MED27: variants seen among roughly 807,000 people sequenced by gnomAD.
MED27 encodes mediator of RNA polymerase II transcription subunit 27.
In MED27, 30 loss-of-function variants were observed where a neutral mutation model predicts 38.2. The ratio of observed to expected loss-of-function variants is 0.79; its 90% CI spans 0.59 to 1.07. MED27 has a LOEUF of 1.07. Among genes scored for constraint, MED27 ranks in the 50% least tolerant of loss-of-function variants. The pLI, the probability that MED27 is intolerant of heterozygous loss-of-function variation, is 0.00. For synonymous variants in MED27, 122 were observed against 153.5 expected (o/e 0.79, Z 1.52); for missense variants, 289 against 397.5 (o/e 0.73, Z 2.32).
chr9:131,988,972 G>A (rs1293083428), intron 3 of MED27, among the ~76,000 whole-genome samples: 3 of 152,172 alleles, frequency 2.0e-5, no homozygotes, highest in African/African-American at 4.8e-5. Flanking sequence ...TTAACCAAGT[G>A]CAGAACATGT....
At chr9:131,963,095 A>G (rs539834189) in intron 3 of MED27, among the ~76,000 whole-genome samples, 1 of 152,342 alleles carries the variant, frequency 6.6e-6, no homozygotes, top group Admixed American at 6.5e-5. Context: ...AAAATATTAA[A>G]GCATAATGTT....
At chr9:131,920,152 G>A (rs1830363048) in intron 4 of MED27, among the ~76,000 whole-genome samples, 1 of 152,110 alleles carries the variant, frequency 6.6e-6, no homozygotes, top group Non-Finnish European at 1.5e-5. Flanking sequence ...CAATACTTCG[G>A]TGTCTTAAGC....
intron 2 of MED27, among the ~76,000 whole-genome samples, chr9:132,072,643 G>C (rs1343854546): frequency 6.6e-6 from 1 of 152,058 alleles, no homozygotes; most frequent in Non-Finnish European, 1.5e-5. Context: ...CACTACGCTA[G>C]CAAGTTCATT....
chr9:131,873,041 C>G (rs902821390), intron 6 of MED27, among the ~76,000 whole-genome samples: 1 of 152,210 alleles, frequency 6.6e-6, no homozygotes. Context: ...TCAGAATGGA[C>G]TTTCATTGGG....
intron 4 of MED27, among the ~76,000 whole-genome samples, chr9:131,938,800 G>A (rs1300880134): frequency 6.6e-6 from 1 of 150,478 alleles, no homozygotes; most frequent in Non-Finnish European, 1.5e-5. Flanking sequence ...TGCAAGCTCC[G>A]CCTCCCAGGT....
intron 2 of MED27, among the ~76,000 whole-genome samples, chr9:132,072,161 CAT>C (rs974648987): frequency 9.2e-5 from 14 of 152,324 alleles, no homozygotes; most frequent in South Asian, 2.1e-4. Context: ...TGAGTACACA[CAT>C]GTGTACTATC....
intron 2 of MED27, among the ~76,000 whole-genome samples, chr9:132,030,394 TAGTA>T: frequency 6.6e-6 from 1 of 152,202 alleles, no homozygotes; most frequent in Non-Finnish European, 1.5e-5. Context: ...AGAGCCAAAA[TAGTA>T]AGAGCACTGC....
At chr9:131,887,252 C>T (rs1251331832) in intron 5 of MED27, among the ~76,000 whole-genome samples, 3 of 152,146 alleles carry the variant, frequency 2.0e-5, no homozygotes, top group Non-Finnish European at 4.4e-5. Flanking sequence ...CATGGCCTCT[C>T]CAGCCTCATT....
Position 131,886,035 on chromosome 9 carries a change from T to C in MED27, c.682-1936A>G, listed in dbSNP as rs183775273. 1.6e-4 allele frequency among the ~76,000 whole-genome samples: 24 copies of C among 152,308 alleles called. No individual in the cohort carries two copies. The East Asian group carries it at 4.2e-3, about 27-fold the overall frequency. ...AACACCAGAAAGCATTGGGAAGCCA[T>C]TGGACAGGAAAAGTCCTTTAAGAAG... On this transcript the variant is annotated intron_variant, in intron 5 of 7. Coordinates refer to ENST00000292035, the MANE Select transcript of MED27 (RefSeq NM_004269.4).
At chr9:131,864,297 T>C (rs898347361) in intron 6 of MED27, among the ~76,000 whole-genome samples, 1 of 151,746 alleles carries the variant, frequency 6.6e-6, no homozygotes, top group Non-Finnish European at 1.5e-5. Flanking sequence ...GCCTGGACAA[T>C]AGAGCAAGAC....
intron 2 of MED27, among the ~76,000 whole-genome samples, chr9:132,053,145 C>T (rs564570266): frequency 6.6e-6 from 1 of 151,692 alleles, no homozygotes; most frequent in East Asian, 1.9e-4. Context: ...CCCAGCTACT[C>T]GGGAGGCTGA....
chr9:131,994,773 C>A lies in MED27; in HGVS notation c.479+19564G>T, dbSNP rs77765051. On this transcript the variant is annotated intron_variant, in intron 3 of 7. Coordinates refer to ENST00000292035, the MANE Select transcript of MED27 (RefSeq NM_004269.4). The stretch of plus-strand genomic sequence containing the variant: ...TTCTGACTTAGGGCAAGTTCTCTTG[C>A]CCTTTGTTATAATATATAACACCCA... Among the ~76,000 whole-genome samples, 1,440 of 152,256 alleles carry A rather than the reference C, an allele frequency of 9.5e-3. 5 individuals are homozygous for A. Among genetic ancestry groups the A allele is most frequent in the Middle Eastern group, 0.034 (10 of 294 alleles).
chr9:131,968,932 C>A (rs974626960), intron 3 of MED27, among the ~76,000 whole-genome samples: 1 of 152,106 alleles, frequency 6.6e-6, no homozygotes, highest in African/African-American at 2.4e-5. Context: ...ACTGCGCATG[C>A]GAGGGATCTA....
chr9:131,929,234 G>A (rs1459075036), intron 4 of MED27, among the ~76,000 whole-genome samples: 2 of 152,330 alleles, frequency 1.3e-5, no homozygotes, highest in South Asian at 2.1e-4. Flanking sequence ...GTGGTATGCC[G>A]TGGGCCTTGG....
intron 3 of MED27, among the ~76,000 whole-genome samples, chr9:131,993,949 G>C (rs1472521956): frequency 6.6e-6 from 1 of 152,164 alleles, no homozygotes; most frequent in Non-Finnish European, 1.5e-5. Flanking sequence ...GTCCTGTCCA[G>C]GGTTGGTTTC....
At chr9:131,866,839 C>T (rs894127284) in intron 6 of MED27, among the ~76,000 whole-genome samples, 2 of 152,224 alleles carry the variant, frequency 1.3e-5, no homozygotes, top group African/African-American at 4.8e-5. Flanking sequence ...GGATGAAATG[C>T]GAACTGTGAA....
In MED27 at chr9:131,883,510, G is replaced by A. The variant is rs1378759741; in HGVS notation, c.723+548C>T. On this transcript the variant is annotated intron_variant, in intron 6 of 7. Coordinates refer to ENST00000292035, the MANE Select transcript of MED27 (RefSeq NM_004269.4). The surrounding 1 kb of genome is among the most constrained non-coding windows in gnomAD (Gnocchi z 4.2). ...ATAAGGAAGCCCAATATCTGAAAAAGATACAGTGTCCCCAGAGCACAAAGT... is the reference window on the plus strand; with the variant it reads ...ATAAGGAAGCCCAATATCTGAAAAAAATACAGTGTCCCCAGAGCACAAAGT... 3.9e-5 allele frequency among the ~76,000 whole-genome samples: 6 copies of A among 152,106 alleles called. No homozygotes were observed. Among genetic ancestry groups the A allele is most frequent in the Admixed American group, 3.9e-4 (6 of 15,256 alleles).
intron 2 of MED27, among the ~76,000 whole-genome samples, chr9:132,027,037 A>G (rs1184266967): frequency 6.6e-6 from 1 of 152,220 alleles, no homozygotes; most frequent in Non-Finnish European, 1.5e-5. Flanking sequence ...CAGGCTCTCA[A>G]TAAGTATTTT....
intron 4 of MED27, among the ~76,000 whole-genome samples, chr9:131,915,379 G>A (rs371419070): frequency 5.9e-5 from 9 of 152,244 alleles, no homozygotes; most frequent in African/African-American, 1.9e-4. Context: ...AGATGGATGC[G>A]CAGTGAAATA....
Sources: allele counts gnomAD v4.1 joint callset (sites outside exome capture counted in the v4.1 genomes callset), GRCh38; gene constraint gnomAD v4.1.1; non-coding constraint Gnocchi (gnomAD v3.1); transcripts MANE v1.5; gene names NCBI Gene and HGNC (gene_info 2026-07-23, HGNC 2026-07-21).